Variants in JPH2 observed in about 807,000 individuals in gnomAD.
The protein encoded by JPH2 is junctophilin-2.
JPH2 carries 38 observed loss-of-function variants against 55.9 expected under a neutral mutation model. The observed-to-expected ratio is 0.68, with a 90% confidence interval of 0.52 to 0.89. The LOEUF is 0.89. Ranked by LOEUF, JPH2 falls within the 40% of genes least tolerant of loss-of-function variation. The pLI, the probability that JPH2 is intolerant of heterozygous loss-of-function variation, is 0.00. For missense variants in JPH2, 964 were observed against 1,037.6 expected (o/e 0.93, Z 0.97); for synonymous variants, 480 against 472.4 (o/e 1.02, Z -0.21).
intron 2 of JPH2, among the ~76,000 whole-genome samples, chr20:44,125,446 G>C (rs779737958): frequency 6.6e-6 from 1 of 152,196 alleles, no homozygotes; most frequent in Non-Finnish European, 1.5e-5. Flanking sequence ...TGGCCTCAGA[G>C]AGCTGGAGGC....
chr20:44,174,500 G>T (rs1314363278), intron 1 of JPH2, among the ~76,000 whole-genome samples: 1 of 152,220 alleles, frequency 6.6e-6, no homozygotes, highest in East Asian at 1.9e-4. Context: ...TGGGCCAGGT[G>T]CAGTGGCTCA....
chr20:44,182,522 C>T (rs893169045), intron 1 of JPH2, among the ~76,000 whole-genome samples: 1 of 152,164 alleles, frequency 6.6e-6, no homozygotes, highest in African/African-American at 2.4e-5. Context: ...TGTGATCCAG[C>T]CCAGGCCACG....
rs1020086230 is a variant in JPH2, at chr20:44,159,467, A to G, written c.1169+151T>C. On this transcript the variant is annotated intron_variant, in intron 2 of 5. Transcript: ENST00000372980. The surrounding 1 kb of genome is among the most constrained non-coding windows in gnomAD (Gnocchi z 5.7). ...GATGGGTGAGTGAACAGGAGCCACCAGCTCCCGAAGAGCCTCCAATTAACC... is the reference window on the plus strand; with the variant it reads ...GATGGGTGAGTGAACAGGAGCCACCGGCTCCCGAAGAGCCTCCAATTAACC... 17 of 767,430 alleles carry G rather than the reference A, an allele frequency of 2.2e-5. No homozygotes were observed. The highest frequency in any genetic ancestry group is 3.6e-5 in the Non-Finnish European group (17 of 475,770). 47.5% of individuals were successfully genotyped at this position (767,430 alleles called of 1,614,324 possible).
At chr20:44,134,087 TAA>T (rs2072355096) in intron 2 of JPH2, among the ~76,000 whole-genome samples, 1 of 31,806 alleles carries the variant, frequency 3.1e-5, no homozygotes, top group Non-Finnish European at 5.2e-5. Context: ...ATATTTATTA[TAA>T]ATATATATTT....
intron 1 of JPH2, among the ~76,000 whole-genome samples, chr20:44,167,942 T>G (rs1405708488): frequency 6.6e-6 from 1 of 152,118 alleles, no homozygotes; most frequent in Non-Finnish European, 1.5e-5. Context: ...ATAGACTAAA[T>G]ATAATTAACC....
chr20:44,132,352 A>AC (rs1283793913), intron 2 of JPH2, among the ~76,000 whole-genome samples: 13 of 70,686 alleles, frequency 1.8e-4, no homozygotes, highest in African/African-American at 7.4e-4. Context: ...AGGCAGACAG[A>AC]CAGACACACA....
In JPH2 at chr20:44,111,454, G is replaced by C. The variant is rs2145834544; in HGVS notation, c.*2064C>G. On this transcript the variant is annotated 3_prime_UTR_variant, in exon 6 of 6. Coordinates refer to ENST00000372980, the MANE Select transcript of JPH2 (RefSeq NM_020433.5). Reference sequence around the variant, plus strand: ...GGGGGGACTCCACCTCAAAGGGCAGGCTCTTGATTCTATTGTCATCTACTC... The same window carrying C: ...GGGGGGACTCCACCTCAAAGGGCAGCCTCTTGATTCTATTGTCATCTACTC... 6.6e-6 allele frequency among the ~76,000 whole-genome samples: 1 copy of C among 152,290 alleles called. No homozygotes were observed. The highest frequency in any genetic ancestry group is 2.1e-4 in the South Asian group (1 of 4,828).
chr20:44,115,420 C>A (rs7267668), intron 4 of JPH2, among the ~76,000 whole-genome samples: 1 of 152,196 alleles, frequency 6.6e-6, no homozygotes, highest in Non-Finnish European at 1.5e-5. Flanking sequence ...ACTGTCTCTG[C>A]CAATGGGATA....
rs754189974 is a variant in JPH2 at position 44,159,698 on chromosome 20, G to T, written c.1089C>A (p.Arg363=). The T allele has an allele frequency of 3.7e-6, 6 of 1,613,138 alleles. No individual in the cohort carries two copies. The Admixed American group carries it at 8.3e-5, about 22-fold the overall frequency. Residue 363 remains arginine, a synonymous_variant, in exon 2 of 6, where the codon CGC becomes CGA. Coordinates refer to ENST00000372980, the MANE Select transcript of JPH2 (RefSeq NM_020433.5). This position sits in a 1 kb window ranked among gnomAD's most constrained non-coding sequence, Gnocchi z 5.7. ...CCTCCACACTGTGCTCCACTTTCTG[G>T]CGGACCTTGTTGCTCTTGAGCTGCA... The part of the protein sequence containing the change: ...RMLQLKSNKV[R]QKVEHSVEGA...
intron 2 of JPH2, among the ~76,000 whole-genome samples, chr20:44,155,737 ACTC>A (rs1029408208): frequency 1.3e-5 from 2 of 152,078 alleles, no homozygotes; most frequent in Non-Finnish European, 2.9e-5. Context: ...TCTCACCAGT[ACTC>A]CTCAAAACTG....
At chr20:44,135,079 A>G (rs1025894336) in intron 2 of JPH2, among the ~76,000 whole-genome samples, 1 of 151,120 alleles carries the variant, frequency 6.6e-6, no homozygotes, top group African/African-American at 2.4e-5. Flanking sequence ...AGACTATTTC[A>G]ATATTTAACA....
At chr20:44,114,568 G>GTA (rs2072172175) in intron 5 of JPH2, among the ~76,000 whole-genome samples, 1 of 7,144 alleles carries the variant, frequency 1.4e-4, no homozygotes, top group Admixed American at 7.8e-4. Context: ...TGAAGTAAGT[G>GTA]TGTGTGTGTG....
In JPH2 at chr20:44,160,602, C is replaced by T. The variant is rs1048306081; in HGVS notation, c.380-195G>A. ...TGTGCAATAACACGAGTGGGTGAGC[C>T]AGGAGGAGCTTGCACGATGGTAGGA... On this transcript the variant is annotated intron_variant, in intron 1 of 5. Transcript: ENST00000372980. The surrounding 1 kb of genome is among the most constrained non-coding windows in gnomAD (Gnocchi z 4.9). Among the ~76,000 whole-genome samples, 2 of 152,152 alleles carry T rather than the reference C, an allele frequency of 1.3e-5. No individual in the cohort carries two copies. The highest frequency in any genetic ancestry group is 4.8e-5 in the African/African-American group (2 of 41,434).
At chr20:44,161,624 C>G (rs1261379798) in intron 1 of JPH2, among the ~76,000 whole-genome samples, 1 of 152,028 alleles carries the variant, frequency 6.6e-6, no homozygotes, top group Admixed American at 6.5e-5. Context: ...GTTAATGTCT[C>G]CGAAAAACTC....
chr20:44,160,806 G>A lies in JPH2; in HGVS notation c.380-399C>T, dbSNP rs2072605062. On this transcript the variant is annotated intron_variant, in intron 1 of 5. Coordinates refer to ENST00000372980, the MANE Select transcript of JPH2 (RefSeq NM_020433.5). The surrounding 1 kb of genome is among the most constrained non-coding windows in gnomAD (Gnocchi z 4.9). ...TTTGACTATATGAGATCATGAGGTG[G>A]GGGCAGGTGGCTCACGCCTGTAATC... Among the ~76,000 whole-genome samples, 2 of 152,180 alleles carry A rather than the reference G, an allele frequency of 1.3e-5. No homozygotes were observed. Among genetic ancestry groups the A allele is most frequent in the South Asian group, 4.1e-4 (2 of 4,838 alleles).
In JPH2 at chr20:44,114,610, GCGCT is replaced by G. The variant is rs1242218641; in HGVS notation, c.*14+168_*14+171del. Among the ~76,000 whole-genome samples, 3 of 134,522 alleles carry G rather than the reference GCGCT, an allele frequency of 2.2e-5. No individual in the cohort carries two copies. In the East Asian group the frequency reaches 6.0e-4, roughly 27 times the overall value. The allele number at this position is 134,522 out of a possible 152,430, so 88.3% of individuals were successfully genotyped here. ...TGTGTGTGTGTGTGTGTGTGTGTGT[GCGCT>G]GGTATCAAATCACACTCTAGGTCTT... On this transcript the variant is annotated intron_variant, in intron 5 of 5. Coordinates refer to ENST00000372980, the MANE Select transcript of JPH2 (RefSeq NM_020433.5).
chr20:44,142,797 CTTG>C (rs1482116075), intron 2 of JPH2, among the ~76,000 whole-genome samples: 10 of 152,194 alleles, frequency 6.6e-5, no homozygotes, highest in Admixed American at 3.9e-4. Flanking sequence ...TCAATAAGTC[CTTG>C]TTGTATGTAT....
intron 1 of JPH2, among the ~76,000 whole-genome samples, chr20:44,172,954 GA>G (rs1600865480): frequency 6.6e-6 from 1 of 151,974 alleles, no homozygotes. Context: ...TTATGACAGT[GA>G]AAAAAATCTG....
At chr20:44,122,725 G>T (rs944110226) in intron 2 of JPH2, among the ~76,000 whole-genome samples, 1 of 152,180 alleles carries the variant, frequency 6.6e-6, no homozygotes, top group Non-Finnish European at 1.5e-5. Context: ...TGATGATGAC[G>T]ATGATGGGGT....
Sources: allele counts gnomAD v4.1 joint callset (sites outside exome capture counted in the v4.1 genomes callset), GRCh38; gene constraint gnomAD v4.1.1; non-coding constraint Gnocchi (gnomAD v3.1); transcripts MANE v1.5; gene names NCBI Gene and HGNC (gene_info 2026-07-23, HGNC 2026-07-21).